The following CACNA1I variants were observed in gnomAD, a reference collection of about 807,000 sequenced individuals.
CACNA1I encodes the protein voltage-dependent T-type calcium channel subunit alpha-1I.
CACNA1I carries 74 observed loss-of-function variants against 201.6 expected under a neutral mutation model. The observed-to-expected ratio is 0.37, with a 90% CI of 0.30 to 0.45. The LOEUF is 0.45. Among genes scored for constraint, CACNA1I ranks in the 20% least tolerant of loss-of-function variants. The probability of loss-of-function intolerance (pLI) is 1.00; values close to 1 mark genes in which losing one functional copy is unlikely to be tolerated. For synonymous variants in CACNA1I, 1,431 were observed against 1,345.2 expected (o/e 1.06, Z -1.40); for missense variants, 2,346 against 3,138.1 (o/e 0.75, Z 6.03).
chr22:39,586,685 C>T (rs1452005581), intron 1 of CACNA1I, among the ~76,000 whole-genome samples: 1 of 152,134 alleles, frequency 6.6e-6, no homozygotes, highest in Non-Finnish European at 1.5e-5. Context: ...TGAGAGGCAG[C>T]AGCTCTCCTT....
intron 3 of CACNA1I, among the ~76,000 whole-genome samples, chr22:39,618,495 G>A (rs572053311): frequency 6.6e-6 from 1 of 152,218 alleles, no homozygotes; most frequent in East Asian, 1.9e-4. Context: ...GCGCTCCAGC[G>A]GGTGGGGGAT....
At chr22:39,664,520 C>T (rs1350274803) in intron 20 of CACNA1I, among the ~76,000 whole-genome samples, 4 of 152,100 alleles carry the variant, frequency 2.6e-5, no homozygotes, top group Non-Finnish European at 5.9e-5. Context: ...AACAGGGCGG[C>T]CTGCTGGGCC....
In CACNA1I at chr22:39,685,793, C is replaced by CGT; in HGVS notation, c.6060_6061insGT (p.Pro2021ValfsTer17). Reference sequence around the variant, plus strand: ...GGAGCGACACGTCGCTGGACGCCAGCCCCAGCAGCTCCGCGGGCAGCCTGC... The same window carrying CGT: ...GGAGCGACACGTCGCTGGACGCCAGCGTCCCAGCAGCTCCGCGGGCAGCCTGC... On this transcript the variant is annotated frameshift_variant, in exon 37 of 37. Transcript: ENST00000402142. LOFTEE classifies it low-confidence loss of function (END_TRUNC). This position sits in a 1 kb window ranked among gnomAD's most constrained non-coding sequence, Gnocchi z 5.0. 1 of 1,496,008 alleles carries CGT rather than the reference C, an allele frequency of 6.7e-7. No homozygotes were observed. Among genetic ancestry groups the CGT allele is most frequent in the Non-Finnish European group, 8.8e-7 (1 of 1,130,254 alleles). The allele number at this position is 1,496,008 out of a possible 1,614,324, so 92.7% of individuals were successfully genotyped here. A position where few individuals can be genotyped will look rare whatever the true frequency, so the allele number is the denominator to read the frequency against.
At chr22:39,639,004 G>A (rs1934290425) in intron 5 of CACNA1I, among the ~76,000 whole-genome samples, 1 of 152,234 alleles carries the variant, frequency 6.6e-6, no homozygotes, top group Admixed American at 6.5e-5. Context: ...ACCTCCTGCT[G>A]TGTGGCCCCG....
chr22:39,648,105 C>T lies in CACNA1I; in HGVS notation c.1567+179C>T, dbSNP rs1054441482. 3.3e-5 allele frequency among the ~76,000 whole-genome samples: 5 copies of T among 152,176 alleles called. No homozygotes were observed. The highest frequency in any genetic ancestry group is 5.9e-5 in the Non-Finnish European group (4 of 68,020). On this transcript the variant is annotated intron_variant, in intron 9 of 36. Transcript: ENST00000402142. This position sits in a 1 kb window ranked among gnomAD's most constrained non-coding sequence, Gnocchi z 5.4. ...GCCCCCAGCACGTGGCCGTCCACGG[C>T]GGGAGTCAGCCACCCCAGGCCCTGC... is the stretch of plus-strand genomic sequence containing the variant.
At chr22:39,594,486 G>A (rs1932856811) in intron 1 of CACNA1I, among the ~76,000 whole-genome samples, 1 of 152,192 alleles carries the variant, frequency 6.6e-6, no homozygotes. Context: ...GGGGGCCCTG[G>A]CAGCGACTGA....
chr22:39,634,747 A>G lies in CACNA1I; in HGVS notation c.740+23A>G, dbSNP rs773680947. 21 of 1,607,756 alleles carry G rather than the reference A, an allele frequency of 1.3e-5. No homozygotes were observed. The South Asian group carries it at 2.0e-4, about 15-fold the overall frequency. On this transcript the variant is annotated intron_variant, in intron 5 of 36. Transcript: ENST00000402142. ...CATGTGAGTTCATCCCCTGCCACCC[A>G]TGCAGCTCCGGGGACTCTTACTAAG...
chr22:39,652,031 G>C (rs1318173888), intron 10 of CACNA1I, among the ~76,000 whole-genome samples: 2 of 128,742 alleles, frequency 1.6e-5, no homozygotes, highest in Non-Finnish European at 3.1e-5. Flanking sequence ...CCTCGGATCT[G>C]GTGGAGCCTT....
Position 39,629,531 on chromosome 22 carries a change from A to AGGG in CACNA1I, c.581-5034_581-5033insGGG. On this transcript the variant is annotated intron_variant, in intron 4 of 36. Transcript: ENST00000402142. The surrounding 1 kb of genome is among the most constrained non-coding windows in gnomAD (Gnocchi z 4.8). ...GGTTTATCACAATGATGAATGTATG[A>AGGG]CGGCCAGGCAGGGCCAGGCAGGACG... is the stretch of plus-strand genomic sequence containing the variant. Among the ~76,000 whole-genome samples the AGGG allele has an allele frequency of 7.0e-6, 1 of 141,902 alleles. No homozygotes were observed. Among genetic ancestry groups the AGGG allele is most frequent in the Admixed American group, 7.0e-5 (1 of 14,200 alleles). The allele number at this position is 141,902 out of a possible 152,430, so 93.1% of individuals were successfully genotyped here.
In CACNA1I at chr22:39,647,927, G is replaced by A; in HGVS notation, c.1567+1G>A. ...CCTGGAAATGATCACTCGGGAAGAG[G>A]CAAGCCAGGGCCACGGGAGGTGGGC... On this transcript the variant is annotated splice_donor_variant, in intron 9 of 36. Transcript: ENST00000402142. LOFTEE classifies it high-confidence loss of function. 1.9e-6 allele frequency: 3 copies of A among 1,612,810 alleles called. 1 individual carries two copies. The East Asian group carries it at 6.7e-5, about 36-fold the overall frequency.
intron 24 of CACNA1I, among the ~76,000 whole-genome samples, chr22:39,669,531 G>A (rs1935300293): frequency 6.6e-6 from 1 of 152,036 alleles, no homozygotes; most frequent in Non-Finnish European, 1.5e-5. Flanking sequence ...ATGGATGGGT[G>A]GATGGATGAA....
intron 4 of CACNA1I, among the ~76,000 whole-genome samples, chr22:39,620,582 C>A (rs748709862): frequency 6.6e-5 from 10 of 152,186 alleles, no homozygotes; most frequent in Admixed American, 1.3e-4. Context: ...CTTGGAGACA[C>A]GAGGTTACCT....
In CACNA1I at chr22:39,686,336, G is replaced by T; in HGVS notation, c.6603G>T (p.Leu2201Phe). The stretch of plus-strand genomic sequence containing the variant: ...CGCTGCCCATGGGCCTGGGCCCCTT[G>T]GCGCCCCCGCCGCAACCGCTCCCCG... The part of the protein sequence containing the change: ...RAPLPMGLGP[L>F]APPPQPLPGE... Residue 2201 changes from leucine to phenylalanine, a missense_variant, in exon 37 of 37, where the codon TTG becomes TTT. Around this residue, in one of 13 missense-constraint regions of CACNA1I, gnomAD observed 187 missense variants for 151.0 expected, o/e 1.24. Transcript: ENST00000402142. 7.6e-7 allele frequency: 1 copy of T among 1,308,412 alleles called. No homozygotes were observed. Among genetic ancestry groups the T allele is most frequent in the Non-Finnish European group, 9.7e-7 (1 of 1,027,358 alleles). The allele number at this position is 1,308,412 out of a possible 1,614,324, so 81.1% of individuals were successfully genotyped here. A position where few individuals can be genotyped will look rare whatever the true frequency, so the allele number is the denominator to read the frequency against.
At chr22:39,586,336 A>G (rs1371953223) in intron 1 of CACNA1I, among the ~76,000 whole-genome samples, 2 of 152,046 alleles carry the variant, frequency 1.3e-5, no homozygotes, top group Non-Finnish European at 2.9e-5. Flanking sequence ...TACTAAAAAT[A>G]CAAAAATTAG....
intron 3 of CACNA1I, among the ~76,000 whole-genome samples, chr22:39,618,654 G>T (rs952232504): frequency 6.6e-6 from 1 of 151,784 alleles, no homozygotes; most frequent in Admixed American, 6.6e-5. Context: ...GGTGACATGG[G>T]TGGTGACAGG....
At chr22:39,626,100 C>T (rs529595714) in intron 4 of CACNA1I, among the ~76,000 whole-genome samples, 11 of 152,190 alleles carry the variant, frequency 7.2e-5, no homozygotes, top group Non-Finnish European at 7.3e-5. Context: ...GCCATCCCCT[C>T]GGCTGCACAA....
intron 3 of CACNA1I, among the ~76,000 whole-genome samples, chr22:39,614,691 TGCTAGGA>T (rs1174872156): frequency 2.6e-5 from 4 of 152,214 alleles, no homozygotes; most frequent in African/African-American, 9.6e-5. Flanking sequence ...TCTGGACCTC[TGCTAGGA>T]GCCAGGAGCC....
In CACNA1I at chr22:39,679,027, G is replaced by A. The variant is rs1023935109; in HGVS notation, c.5056-80G>A. ...AATCTCGGTCTTGCTGCCTCCGAGCGTGGCCCTGGGCTGGCCTCTGCCTCC... is the reference window on the plus strand; with the variant it reads ...AATCTCGGTCTTGCTGCCTCCGAGCATGGCCCTGGGCTGGCCTCTGCCTCC... On this transcript the variant is annotated intron_variant, in intron 31 of 36. Transcript: ENST00000402142. The A allele has an allele frequency of 4.6e-5, 51 of 1,112,328 alleles. No individual in the cohort carries two copies. The East Asian group carries it at 5.3e-4, about 12-fold the overall frequency. 68.9% of individuals were successfully genotyped at this position (1,112,328 alleles called of 1,614,324 possible).
At position 39,658,138 on chromosome 22, in the gene CACNA1I, C is replaced by T. The variant is rs1601504734; in HGVS notation, c.1993-14C>T. On this transcript the variant is annotated splice_polypyrimidine_tract_variant and intron_variant, in intron 10 of 36. Coordinates refer to ENST00000402142, the MANE Select transcript of CACNA1I (RefSeq NM_021096.4). The stretch of plus-strand genomic sequence containing the variant: ...CCTGACCGGGTCTCCATTCCCCACC[C>T]CAATGCCCCACAGCCGGAGGAGCTG... 2 of 1,613,314 alleles carry T rather than the reference C, an allele frequency of 1.2e-6. No homozygotes were observed. Among genetic ancestry groups the T allele is most frequent in the Non-Finnish European group, 1.7e-6 (2 of 1,179,532 alleles).
Sources: gnomAD v4.1 joint callset for allele counts (sites outside exome capture counted in the v4.1 genomes callset) on GRCh38, gnomAD v4.1.1 for gene constraint, gnomAD v4.1.1 regional missense constraint, Gnocchi (gnomAD v3.1) non-coding constraint, MANE v1.5 for transcripts, NCBI Gene and HGNC (gene_info 2026-07-23, HGNC 2026-07-21) for gene names.